Variants in NBAS observed in about 807,000 individuals in gnomAD.
The protein encoded by NBAS is NAG/BC035112 fusion.
A neutral mutation model predicts 302.5 loss-of-function variants in NBAS; 219 were observed. That is an observed-to-expected ratio of 0.72 (90% CI 0.65 to 0.81). The LOEUF (loss-of-function observed/expected upper bound fraction) is 0.81, where lower values mean the gene tolerates loss of function less well. Ranked by LOEUF, NBAS falls within the 30% of genes least tolerant of loss-of-function variation. NBAS has a pLI of 0.00. For synonymous variants in NBAS, 1,118 were observed against 1,021.6 expected, an observed-to-expected ratio of 1.09 and a Z score of -1.80; for missense variants, 2,932 against 2,841.6, an observed-to-expected ratio of 1.03 and a Z score of -0.72.
At chr2:14,960,304 A>G in the NBAS span, among the ~76,000 whole-genome samples, 1 of 152,158 alleles carries the variant, frequency 6.6e-6, no homozygotes, top group Admixed American at 6.5e-5. Context: ...AAGGCCCTAA[A>G]TGCTTTATGG....
At chr2:15,046,391 C>A in the NBAS span, among the ~76,000 whole-genome samples, 5 of 152,038 alleles carry the variant, frequency 3.3e-5, no homozygotes, top group South Asian at 1.0e-3. Context: ...ATATATCAAC[C>A]TCCAAGAAAT....
At position 15,534,860 on chromosome 2, in the gene NBAS, A is replaced by T. The variant is rs147999971; in HGVS notation, c.648-219T>A. On this transcript the variant is annotated intron_variant, in intron 8 of 51. Coordinates refer to ENST00000281513, the MANE Select transcript of NBAS (RefSeq NM_015909.4). ...TATAAAAATAAACTATGTCTCCCCT[A>T]TGACCCAGCAATCCCACTTGAAGAT... Among the ~76,000 whole-genome samples the T allele has an allele frequency of 5.1e-3, 777 of 152,302 alleles. 3 individuals are homozygous for T. The highest frequency in any genetic ancestry group is 0.017 in the African/African-American group (691 of 41,568).
rs747910114 is a variant in NBAS at position 15,394,326 on chromosome 2, T to C, written c.3158A>G (p.His1053Arg). 3.7e-6 allele frequency: 6 copies of C among 1,613,124 alleles called. No homozygotes were observed. Among genetic ancestry groups the C allele is most frequent in the South Asian group, 1.1e-5 (1 of 91,060 alleles). The change falls in exon 28 of 52, where the codon CAT becomes CGT. Residue 1053 changes from histidine to arginine, a missense_variant. Physicochemically the swap from His to Arg is conservative, Grantham distance 29. Coordinates refer to ENST00000281513, the MANE Select transcript of NBAS (RefSeq NM_015909.4). ...AAATGAAATTGGTTTCTCGAGTCCA[T>C]GTTTTTCCAAAAGCTCTGACACACT... ...ILSVSELLEKHGLEKPISFVK... is the reference protein window; with the variant it reads ...ILSVSELLEKRGLEKPISFVK...
At chr2:14,950,991 A>G in the NBAS span, among the ~76,000 whole-genome samples, 1 of 152,076 alleles carries the variant, frequency 6.6e-6, no homozygotes, top group Non-Finnish European at 1.5e-5. Context: ...TTTGTCTTTT[A>G]TTAGTGTTCT....
the NBAS span, among the ~76,000 whole-genome samples, chr2:15,115,714 C>T: frequency 2.6e-5 from 4 of 151,888 alleles, no homozygotes; most frequent in African/African-American, 4.8e-5. Context: ...AGCTTTGTTA[C>T]ATTGCCCAGC....
the NBAS span, among the ~76,000 whole-genome samples, chr2:14,823,794 CT>C: frequency 6.6e-6 from 1 of 152,158 alleles, no homozygotes. Context: ...ACCACCTTTC[CT>C]TGTGGTTTAA....
the NBAS span, among the ~76,000 whole-genome samples, chr2:15,068,238 C>T: frequency 2.0e-5 from 3 of 152,178 alleles, no homozygotes; most frequent in Non-Finnish European, 2.9e-5. Flanking sequence ...ATCTACTTAC[C>T]TAGTCCTACC....
chr2:14,943,913 C>T, the NBAS span, among the ~76,000 whole-genome samples: 1 of 152,116 alleles, frequency 6.6e-6, no homozygotes, highest in African/African-American at 2.4e-5. Flanking sequence ...CACCAAGTCC[C>T]AAAGAAGGAA....
chr2:14,929,401 C>A, the NBAS span, among the ~76,000 whole-genome samples: 11 of 152,040 alleles, frequency 7.2e-5, no homozygotes, highest in African/African-American at 2.7e-4. Context: ...GTTTTTGAGA[C>A]GGAGTCTCAC....
intron 8 of NBAS, among the ~76,000 whole-genome samples, chr2:15,535,201 CTG>C (rs1663426565): frequency 6.6e-6 from 1 of 152,168 alleles, no homozygotes; most frequent in African/African-American, 2.4e-5. Context: ...ATAACAAAAT[CTG>C]TAAGTGTTTA....
At chr2:14,799,441 C>A in the NBAS span, among the ~76,000 whole-genome samples, 11 of 151,906 alleles carry the variant, frequency 7.2e-5, no homozygotes, top group Non-Finnish European at 1.5e-4. Context: ...TCTTTGAATC[C>A]TTTTTAATTT....
At chr2:15,028,781 C>A in the NBAS span, among the ~76,000 whole-genome samples, 1 of 152,166 alleles carries the variant, frequency 6.6e-6, no homozygotes, top group East Asian at 1.9e-4. Context: ...AAGTAAGTCC[C>A]CAATCTCAGT....
chr2:15,502,854 A>T (rs1261497762), intron 11 of NBAS, among the ~76,000 whole-genome samples: 5 of 152,112 alleles, frequency 3.3e-5, no homozygotes, highest in Non-Finnish European at 7.4e-5. Flanking sequence ...CCTTACTGTA[A>T]CTTTTTTACT....
intron 32 of NBAS, among the ~76,000 whole-genome samples, chr2:15,360,749 C>T (rs1458908621): frequency 6.7e-6 from 1 of 148,402 alleles, no homozygotes; most frequent in African/African-American, 2.5e-5. Context: ...GTCAGGACAT[C>T]AATATCACTT....
intron 51 of NBAS, among the ~76,000 whole-genome samples, chr2:15,176,478 CACAT>C (rs768025630): frequency 4.1e-4 from 63 of 152,058 alleles, no homozygotes; most frequent in African/African-American, 7.7e-4. Context: ...CACACACACA[CACAT>C]ACACTCAAGA....
chr2:15,305,243 G>T (rs1052141660), intron 40 of NBAS, among the ~76,000 whole-genome samples: 1 of 152,006 alleles, frequency 6.6e-6, no homozygotes, highest in African/African-American at 2.4e-5. Context: ...CCCCCAAGCT[G>T]TTCTCATGAG....
At chr2:15,503,097 G>A (rs183567120) in intron 11 of NBAS, among the ~76,000 whole-genome samples, 102 of 152,192 alleles carry the variant, frequency 6.7e-4, no homozygotes, top group African/African-American at 2.3e-3. Context: ...CAATATCACC[G>A]TCTTCTACCT....
chr2:15,140,248 G>T, the NBAS span, among the ~76,000 whole-genome samples: 1 of 152,184 alleles, frequency 6.6e-6, no homozygotes, highest in Non-Finnish European at 1.5e-5. Context: ...GCTTCCAGTT[G>T]TCAAGTCACC....
chr2:15,083,956 T>G, the NBAS span, among the ~76,000 whole-genome samples: 34 of 152,314 alleles, frequency 2.2e-4, no homozygotes, highest in African/African-American at 8.2e-4. Flanking sequence ...CTAGGTTTGT[T>G]TGCTGGTTAG....
Sources: gnomAD v4.1 joint callset for allele counts (sites outside exome capture counted in the v4.1 genomes callset) on GRCh38, gnomAD v4.1.1 for gene constraint, MANE v1.5 for transcripts, NCBI Gene and HGNC (gene_info 2026-07-23, HGNC 2026-07-21) for gene names.